The following MDFIC variants were observed in gnomAD, a reference collection of about 807,000 sequenced individuals.
MDFIC encodes the protein MyoD family inhibitor domain containing.
Under a neutral mutation model 23.2 loss-of-function variants are expected in MDFIC, and 17 were observed. The observed-to-expected ratio is 0.73, with a 90% CI of 0.50 to 1.10. The LOEUF (loss-of-function observed/expected upper bound fraction) is 1.10. MDFIC is among the 50% of genes least tolerant of loss of function. The pLI is 0.00. For synonymous variants in MDFIC, 120 were observed against 115.2 expected (o/e 1.04, Z -0.27); for missense variants, 356 against 316.6 (o/e 1.12, Z -0.95).
intron 2 of MDFIC, among the ~76,000 whole-genome samples, chr7:114,935,774 G>A (rs759861972): frequency 1.1e-4 from 17 of 151,688 alleles, no homozygotes; most frequent in South Asian, 2.1e-4. Context: ...TATACTTTTC[G>A]TTGTCTATAA....
intron 4 of MDFIC, among the ~76,000 whole-genome samples, chr7:115,007,171 T>C (rs573712959): frequency 1.3e-5 from 2 of 152,272 alleles, no homozygotes; most frequent in East Asian, 3.9e-4. Flanking sequence ...AATAGAATGG[T>C]CCGATGTCCG....
chr7:114,947,534 T>C (rs369126107), intron 3 of MDFIC, among the ~76,000 whole-genome samples: 3 of 152,326 alleles, frequency 2.0e-5, no homozygotes, highest in East Asian at 3.9e-4. Flanking sequence ...GGCTGTATTC[T>C]AGCATGGAGG....
At position 115,019,209 on chromosome 7, in the gene MDFIC, T is replaced by C. The variant is rs1738134430; in HGVS notation, c.*3274T>C. 6.6e-6 allele frequency: 1 copy of C among 152,110 alleles called. No individual in the cohort carries two copies. Among genetic ancestry groups the C allele is most frequent in the African/African-American group, 2.4e-5 (1 of 41,464 alleles). 9.4% of individuals were successfully genotyped at this position (152,110 alleles called of 1,614,324 possible). A position where few individuals can be genotyped will look rare whatever the true frequency, so the allele number is the denominator to read the frequency against. On this transcript the variant is annotated 3_prime_UTR_variant, in exon 5 of 5. Coordinates refer to ENST00000393486, the MANE Select transcript of MDFIC (RefSeq NM_001166345.3). ...ATAAATGATCAGAAGAATTTTCATC[T>C]AAGGCATAGAGTGGCGAAATTTTTG... is the stretch of plus-strand genomic sequence containing the variant.
At chr7:114,962,069 A>G (rs1381762975) in intron 3 of MDFIC, among the ~76,000 whole-genome samples, 1 of 152,212 alleles carries the variant, frequency 6.6e-6, no homozygotes, top group Non-Finnish European at 1.5e-5. Context: ...GGGTTCTTAC[A>G]TAGATTCTTT....
At chr7:114,961,128 G>A (rs1453661340) in intron 3 of MDFIC, among the ~76,000 whole-genome samples, 1 of 152,114 alleles carries the variant, frequency 6.6e-6, no homozygotes, top group Non-Finnish European at 1.5e-5. Context: ...GAGCAAGCAT[G>A]GGAGTGTCAT....
intron 3 of MDFIC, among the ~76,000 whole-genome samples, chr7:114,977,769 T>C (rs1189041661): frequency 1.3e-5 from 2 of 151,620 alleles, no homozygotes; most frequent in African/African-American, 4.8e-5. Flanking sequence ...ACACTTTAAA[T>C]AAAAAGTTTT....
intron 2 of MDFIC, among the ~76,000 whole-genome samples, chr7:114,941,467 A>G (rs1298791712): frequency 6.6e-6 from 1 of 152,112 alleles, no homozygotes; most frequent in African/African-American, 2.4e-5. Flanking sequence ...CTGTTCTTCC[A>G]CCTTTCTCCC....
At chr7:114,956,327 T>C (rs1479274845) in intron 3 of MDFIC, among the ~76,000 whole-genome samples, 1 of 151,008 alleles carries the variant, frequency 6.6e-6, no homozygotes, top group South Asian at 2.1e-4. Context: ...TTGGGCTTAA[T>C]ACATAAATAT....
At chr7:114,951,456 A>G (rs1435658273) in intron 3 of MDFIC, among the ~76,000 whole-genome samples, 2 of 152,214 alleles carry the variant, frequency 1.3e-5, no homozygotes, top group Non-Finnish European at 2.9e-5. Context: ...AAAAAGACAT[A>G]TGTCAGTGTC....
rs931655185 is a variant in MDFIC, at chr7:115,018,767, C to T, written c.*2832C>T. 4.6e-5 allele frequency: 7 copies of T among 152,010 alleles called. No individual in the cohort carries two copies. Among genetic ancestry groups the T allele is most frequent in the East Asian group, 1.9e-4 (1 of 5,188 alleles). The allele number at this position is 152,010 out of a possible 1,614,324, so 9.4% of individuals were successfully genotyped here. A position where few individuals can be genotyped will look rare whatever the true frequency, so the allele number is the denominator to read the frequency against. On this transcript the variant is annotated 3_prime_UTR_variant, in exon 5 of 5. Coordinates refer to ENST00000393486, the MANE Select transcript of MDFIC (RefSeq NM_001166345.3). ...AAATGACTTCTTTATTTTGCTTTACCGTATGTTTATATCTAATTGACATAT... is the reference window on the plus strand; with the variant it reads ...AAATGACTTCTTTATTTTGCTTTACTGTATGTTTATATCTAATTGACATAT...
intron 2 of MDFIC, among the ~76,000 whole-genome samples, chr7:114,936,638 A>G (rs535217342): frequency 6.6e-6 from 1 of 152,320 alleles, no homozygotes; most frequent in African/African-American, 2.4e-5. Context: ...AATCCTTGAA[A>G]TTTTGGAGAA....
At chr7:115,003,536 T>A (rs1455066880) in intron 4 of MDFIC, among the ~76,000 whole-genome samples, 1 of 152,212 alleles carries the variant, frequency 6.6e-6, no homozygotes, top group Non-Finnish European at 1.5e-5. Flanking sequence ...TCCTACTTTC[T>A]TGATATTTCC....
chr7:114,940,193 G>C (rs1196410506), intron 2 of MDFIC, among the ~76,000 whole-genome samples: 3 of 152,208 alleles, frequency 2.0e-5, no homozygotes, highest in African/African-American at 7.2e-5. Flanking sequence ...ACTGCTATTT[G>C]AATATGGTTT....
chr7:114,939,857 TAA>T (rs1792503881), intron 2 of MDFIC, among the ~76,000 whole-genome samples: 1 of 152,224 alleles, frequency 6.6e-6, no homozygotes, highest in Non-Finnish European at 1.5e-5. Flanking sequence ...CAGCTTCAAT[TAA>T]AGTTACTAAT....
chr7:114,997,576 GAAAAA>G (rs60307474), intron 4 of MDFIC, among the ~76,000 whole-genome samples: 1 of 141,728 alleles, frequency 7.1e-6, no homozygotes. Context: ...ATCTCTACAG[GAAAAA>G]AAAAAAAAAA....
intron 4 of MDFIC, chr7:115,014,067 A>C (rs1033395638): frequency 1.0e-6 from 1 of 985,316 alleles, no homozygotes; most frequent in Non-Finnish European, 1.2e-6. Flanking sequence ...ACAACTCTGG[A>C]ATTTCCCTTT....
rs78861427 is a variant in MDFIC, at chr7:114,988,064, T to G, written c.493+8283T>G. On this transcript the variant is annotated intron_variant, in intron 4 of 4. Coordinates refer to ENST00000393486, the MANE Select transcript of MDFIC (RefSeq NM_001166345.3). Reference sequence around the variant, plus strand: ...AGAGCTCTTCTTTTGTAATAACCAATAATTTATAGGCCATCTTAAAGAAGA... The same window carrying G: ...AGAGCTCTTCTTTTGTAATAACCAAGAATTTATAGGCCATCTTAAAGAAGA... 5.6e-3 allele frequency among the ~76,000 whole-genome samples: 855 copies of G among 152,278 alleles called. 8 individuals are homozygous for G. The highest frequency in any genetic ancestry group is 0.02 in the Middle Eastern group (6 of 294).
intron 3 of MDFIC, among the ~76,000 whole-genome samples, chr7:114,947,716 C>T (rs1010692459): frequency 6.6e-6 from 1 of 152,180 alleles, no homozygotes; most frequent in East Asian, 1.9e-4. Context: ...GACCGTGCTG[C>T]ATCATTACTG....
rs1791267414 is a variant in MDFIC, at chr7:114,994,417, CTT to C, written c.493+14637_493+14638del. ...ATGACATTAGCTGGTTATTTTGCTC[CTT>C]AGTTGATGCAGTTTCTTCCTACCAT... On this transcript the variant is annotated intron_variant, in intron 4 of 4. Coordinates refer to ENST00000393486, the MANE Select transcript of MDFIC (RefSeq NM_001166345.3). Among the ~76,000 whole-genome samples the C allele has an allele frequency of 2.0e-4, 31 of 152,178 alleles. 1 individual carries two copies. The highest frequency in any genetic ancestry group is 1.8e-3 in the Admixed American group (28 of 15,260).
Sources: gnomAD v4.1 joint callset for allele counts (sites outside exome capture counted in the v4.1 genomes callset) on GRCh38, gnomAD v4.1.1 for gene constraint, MANE v1.5 for transcripts, NCBI Gene and HGNC (gene_info 2026-07-23, HGNC 2026-07-21) for gene names.